Variants in CDH12 observed in about 807,000 individuals in gnomAD.
The protein encoded by CDH12 is cadherin 12.
CDH12 carries 41 observed loss-of-function variants against 74.1 expected under a neutral mutation model. The ratio of observed to expected loss-of-function variants is 0.55; its 90% confidence interval spans 0.43 to 0.72. CDH12 has a LOEUF of 0.72. Ranked by LOEUF, CDH12 falls within the 30% of genes least tolerant of loss-of-function variation. CDH12 has a pLI of 0.00. For missense variants in CDH12, 945 were observed against 977.2 expected, an observed-to-expected ratio of 0.97 and a Z score of 0.44; for synonymous variants, 399 against 355.0, an observed-to-expected ratio of 1.12 and a Z score of -1.39.
chr5:22,764,917 T>G (rs769373266), intron 1 of CDH12, among the ~76,000 whole-genome samples: 1 of 151,960 alleles, frequency 6.6e-6, no homozygotes, highest in African/African-American at 2.4e-5. Context: ...GACGACGGAA[T>G]GCATTGAGTC....
chr5:21,752,126 C>G lies in CDH12; in HGVS notation c.1996G>C (p.Gly666Arg). The change falls in exon 15 of 15, where the codon GGG becomes CGG. Residue 666 changes from glycine to arginine, a missense_variant. Around this residue, in one of 3 missense-constraint regions of CDH12, gnomAD observed 791 missense variants for 792.8 expected, o/e 1.00. Transcript: ENST00000382254. ...NVIHYDDEGG[G>R]EEDTQAFDIG... ...TCGAAAGCCTGGGTATCTTCCTCCCCACCTCCTTCATCATCGTAATGGATG... is the reference window on the plus strand; with the variant it reads ...TCGAAAGCCTGGGTATCTTCCTCCCGACCTCCTTCATCATCGTAATGGATG... The G allele has an allele frequency of 6.2e-7, 1 of 1,614,106 alleles. No individual in the cohort carries two copies. Among genetic ancestry groups the G allele is most frequent in the Non-Finnish European group, 8.5e-7 (1 of 1,180,008 alleles).
chr5:22,299,888 C>A (rs1001761168), intron 3 of CDH12, among the ~76,000 whole-genome samples: 1 of 151,934 alleles, frequency 6.6e-6, no homozygotes, highest in Non-Finnish European at 1.5e-5. Flanking sequence ...GTCATTTTTT[C>A]TTCCTATTCT....
chr5:21,929,298 A>G (rs1754730535), intron 6 of CDH12, among the ~76,000 whole-genome samples: 1 of 151,848 alleles, frequency 6.6e-6, no homozygotes, highest in African/African-American at 2.4e-5. Context: ...TATATAATGA[A>G]ATAATTATAC....
chr5:22,741,639 C>G (rs1745028730), intron 1 of CDH12, among the ~76,000 whole-genome samples: 1 of 152,114 alleles, frequency 6.6e-6, no homozygotes, highest in Non-Finnish European at 1.5e-5. Context: ...ATGGATCCAG[C>G]AGATGGAAGA....
intron 5 of CDH12, among the ~76,000 whole-genome samples, chr5:22,071,877 C>A (rs2150217467): frequency 6.6e-6 from 1 of 152,180 alleles, no homozygotes; most frequent in South Asian, 2.1e-4. Flanking sequence ...TTATTCTTCC[C>A]TTTCTTTGAT....
chr5:22,550,857 C>G (rs1034737737), intron 1 of CDH12, among the ~76,000 whole-genome samples: 2 of 152,210 alleles, frequency 1.3e-5, no homozygotes, highest in African/African-American at 4.8e-5. Context: ...GCTTCCACTT[C>G]TGCCTCGTGT....
rs534654837 is a variant in CDH12, at chr5:22,625,174, C to T, written c.-522-119810G>A. 1.8e-4 allele frequency among the ~76,000 whole-genome samples: 28 copies of T among 151,762 alleles called. No homozygotes were observed. The East Asian group carries it at 2.3e-3, about 13-fold the overall frequency. On this transcript the variant is annotated intron_variant, in intron 1 of 14. Coordinates refer to ENST00000382254, the MANE Select transcript of CDH12 (RefSeq NM_004061.5). ...GGGGCCTGTCTTGGGTTGTGGGGAG[C>T]GGGGAGGGATAGAATTAGGAGATAT...
At chr5:22,583,324 G>T (rs529805381) in intron 1 of CDH12, among the ~76,000 whole-genome samples, 6 of 152,150 alleles carry the variant, frequency 3.9e-5, no homozygotes, top group Non-Finnish European at 7.4e-5. Context: ...GTCAAATTAA[G>T]TTTTAAAATG....
At chr5:22,196,809 G>C (rs1316860458) in intron 4 of CDH12, among the ~76,000 whole-genome samples, 2 of 152,096 alleles carry the variant, frequency 1.3e-5, no homozygotes, top group Non-Finnish European at 2.9e-5. Context: ...CATCACTGTA[G>C]CTCCTTGTTG....
intron 6 of CDH12, among the ~76,000 whole-genome samples, chr5:21,873,917 C>T (rs1751788185): frequency 7.3e-6 from 1 of 136,586 alleles, no homozygotes; most frequent in Non-Finnish European, 1.6e-5. Context: ...CACCCATGTC[C>T]CTGCAAAGAA....
intron 8 of CDH12, among the ~76,000 whole-genome samples, chr5:21,820,311 A>C (rs1470475710): frequency 1.3e-5 from 2 of 152,020 alleles, no homozygotes; most frequent in Non-Finnish European, 2.9e-5. Context: ...TTAAGTTGTC[A>C]GCATAGAGAG....
intron 1 of CDH12, among the ~76,000 whole-genome samples, chr5:22,600,726 C>T: frequency 6.6e-6 from 1 of 151,548 alleles, no homozygotes; most frequent in East Asian, 1.9e-4. Context: ...ATCTTTTTTT[C>T]ACCTGTCTAC....
rs952207294 is a variant in CDH12 at position 21,796,716 on chromosome 5, G to A, written c.1256+5451C>T. ...TTCCAAGGATAACAGACTTTTATAC[G>A]TTTGGAACAAAAGAAAAGTGGTACA... On this transcript the variant is annotated intron_variant, in intron 10 of 14. Coordinates refer to ENST00000382254, the MANE Select transcript of CDH12 (RefSeq NM_004061.5). Among the ~76,000 whole-genome samples the A allele has an allele frequency of 1.7e-4, 26 of 151,822 alleles. 1 individual carries two copies. Among genetic ancestry groups the A allele is most frequent in the African/African-American group, 5.8e-4 (24 of 41,448 alleles).
chr5:22,720,037 A>AACACACACAC (rs10654995), intron 1 of CDH12, among the ~76,000 whole-genome samples: 2 of 148,348 alleles, frequency 1.3e-5, no homozygotes, highest in African/African-American at 4.9e-5. Context: ...ACAAAAACAC[A>AACACACACAC]ACACACACAC....
chr5:22,743,733 T>C (rs1745151857), intron 1 of CDH12, among the ~76,000 whole-genome samples: 1 of 152,180 alleles, frequency 6.6e-6, no homozygotes. Context: ...TTAAAAATCT[T>C]TGTTTGGCAT....
chr5:21,961,276 A>G (rs1756352798), intron 6 of CDH12, among the ~76,000 whole-genome samples: 1 of 152,112 alleles, frequency 6.6e-6, no homozygotes. Flanking sequence ...TTAACCTTTT[A>G]TCATTCCATC....
chr5:22,660,783 C>A (rs1328298168), intron 1 of CDH12, among the ~76,000 whole-genome samples: 1 of 152,090 alleles, frequency 6.6e-6, no homozygotes, highest in East Asian at 1.9e-4. Context: ...AATTTAAATA[C>A]AATATTTCCA....
intron 3 of CDH12, among the ~76,000 whole-genome samples, chr5:22,403,259 T>C (rs1435378143): frequency 6.6e-6 from 1 of 152,174 alleles, no homozygotes; most frequent in Admixed American, 6.6e-5. Context: ...AGGAAACTGA[T>C]ATATAGAATA....
intron 4 of CDH12, among the ~76,000 whole-genome samples, chr5:22,107,530 A>G (rs546337090): frequency 2.7e-5 from 4 of 150,602 alleles, no homozygotes; most frequent in Non-Finnish European, 5.9e-5. Context: ...TACATATAAT[A>G]ATCAGTAAAT....
Sources: allele counts gnomAD v4.1 joint callset (sites outside exome capture counted in the v4.1 genomes callset), GRCh38; gene constraint gnomAD v4.1.1; regional missense constraint gnomAD v4.1.1; transcripts MANE v1.5; gene names NCBI Gene and HGNC (gene_info 2026-07-23, HGNC 2026-07-21).